NIPSNAP3B: variants seen among roughly 807,000 people sequenced by gnomAD.
NIPSNAP3B encodes the protein protein NipSnap homolog 3B.
NIPSNAP3B carries 30 observed loss-of-function variants against 31.5 expected under a neutral mutation model. That is an observed-to-expected ratio of 0.95 (90% CI 0.71 to 1.29). NIPSNAP3B has a LOEUF of 1.29. NIPSNAP3B is among the 50% of genes most tolerant of loss of function. The pLI, the probability that NIPSNAP3B is intolerant of heterozygous loss-of-function variation, is 0.00. For synonymous variants in NIPSNAP3B, 106 were observed against 107.9 expected, an observed-to-expected ratio of 0.98 and a Z score of 0.11; for missense variants, 269 against 300.7, an observed-to-expected ratio of 0.89 and a Z score of 0.78.
rs1283909109 is a variant in NIPSNAP3B, at chr9:104,773,185, A to G, written c.*112A>G. On this transcript the variant is annotated 3_prime_UTR_variant, in exon 6 of 6. Transcript: ENST00000374762. The stretch of plus-strand genomic sequence containing the variant: ...TTTATTTGAAGGAGGTGGTAAGTTA[A>G]TTAGTTAATTTGCTGTGCTTCTTGC... 3 of 1,019,852 alleles carry G rather than the reference A, an allele frequency of 2.9e-6. No homozygotes were observed. Among genetic ancestry groups the G allele is most frequent in the Non-Finnish European group, 4.4e-6 (3 of 683,986 alleles). 63.2% of individuals were successfully genotyped at this position (1,019,852 alleles called of 1,614,324 possible).
In NIPSNAP3B at chr9:104,766,343, ACGGG is replaced by A; in HGVS notation, c.81_84del (p.Gly28LeufsTer21). On this transcript the variant is annotated frameshift_variant, in exon 2 of 6. Transcript: ENST00000374762. LOFTEE classifies it high-confidence loss of function. ...CCTTCAGGTGTGTTCATCTTTTGCT[ACGGG>A]CCCTAGACAATACGATGGAACGTTC... is the stretch of plus-strand genomic sequence containing the variant. 9.9e-6 allele frequency: 16 copies of A among 1,613,294 alleles called. No individual in the cohort carries two copies. The highest frequency in any genetic ancestry group is 1.4e-5 in the Non-Finnish European group (16 of 1,179,398).
chr9:104,769,409 T>C (rs1262468677), intron 3 of NIPSNAP3B, among the ~76,000 whole-genome samples: 5 of 128,908 alleles, frequency 3.9e-5, no homozygotes, highest in African/African-American at 1.5e-4. Flanking sequence ...AGCCGAGATC[T>C]CGCCACTGCA....
intron 2 of NIPSNAP3B, among the ~76,000 whole-genome samples, chr9:104,767,912 G>A (rs1402302769): frequency 2.0e-5 from 3 of 151,988 alleles, no homozygotes; most frequent in Non-Finnish European, 4.4e-5. Flanking sequence ...CAGGAGGTTG[G>A]TACCAGGAAC....
chr9:104,766,726 A>C (rs578192673), intron 2 of NIPSNAP3B, among the ~76,000 whole-genome samples, 191 bp downstream of exon 2: 1 of 152,268 alleles, frequency 6.6e-6, no homozygotes, highest in South Asian at 2.1e-4. Flanking sequence ...CCCTTGCTTG[A>C]ACTCTTATGT....
chr9:104,786,829 G>C, the NIPSNAP3B span: 1 of 1,530,022 alleles, frequency 6.5e-7, no homozygotes, highest in Non-Finnish European at 9.1e-7. Flanking sequence ...TACTTGGAAA[G>C]TTAAAACATC....
At chr9:104,790,528 T>C in the NIPSNAP3B span, among the ~76,000 whole-genome samples, 1 of 152,198 alleles carries the variant, frequency 6.6e-6, no homozygotes, top group African/African-American at 2.4e-5. Context: ...TACAGTATGA[T>C]CTCAATTGTA....
At position 104,770,986 on chromosome 9, in the gene NIPSNAP3B, G is replaced by A. The variant is rs148201182; in HGVS notation, c.568G>A (p.Glu190Lys). Reference sequence around the variant, plus strand: ...TGGTGTTTTCCACACAGAATATGGAGAACTCAACAGAGGTACAGTTGTCCA... The same window carrying A: ...TGGTGTTTTCCACACAGAATATGGAAAACTCAACAGAGGTACAGTTGTCCA... ...VVGVFHTEYG[E>K]LNRVHVLWWN... Residue 190 changes from glutamate to lysine, a missense_variant, in exon 4 of 6, where the codon GAA (glutamate) becomes AAA (lysine). By Grantham distance (56) the Glu-to-Lys change is moderately conservative (BLOSUM62 1). Transcript: ENST00000374762. 1.5e-3 allele frequency: 2,354 copies of A among 1,613,754 alleles called. 17 individuals carry two copies. In the African/African-American group the frequency reaches 0.028, roughly 20 times the overall value.
At chr9:104,766,249 C>A in intron 1 of NIPSNAP3B, 76 bp from the exon 2 acceptor site, 1 of 1,144,374 alleles carries the variant, frequency 8.7e-7, no homozygotes, top group Non-Finnish European at 1.3e-6. Context: ...TTCCTTGTAC[C>A]AGACTCAGAT....
the NIPSNAP3B span, chr9:104,787,768 G>T: frequency 6.5e-7 from 1 of 1,533,302 alleles, no homozygotes; most frequent in Non-Finnish European, 8.9e-7. Context: ...TGTGCCAAGG[G>T]AGAAGCTTCC....
At chr9:104,767,493 C>T (rs981690690) in intron 2 of NIPSNAP3B, among the ~76,000 whole-genome samples, 1 of 151,976 alleles carries the variant, frequency 6.6e-6, no homozygotes, top group Admixed American at 6.5e-5. Flanking sequence ...GATCAGTGTC[C>T]AAAGTTAATA....
the NIPSNAP3B span, chr9:104,788,286 G>T: frequency 5.0e-6 from 5 of 1,009,996 alleles, no homozygotes; most frequent in Non-Finnish European, 7.4e-6. Context: ...CACCCTGAAA[G>T]CAGATACAAA....
intron 3 of NIPSNAP3B, 38 bp from the exon 4 acceptor site, chr9:104,770,811 T>A (rs190938244): frequency 1.9e-6 from 3 of 1,594,258 alleles, no homozygotes; most frequent in Non-Finnish European, 2.6e-6. Context: ...ATTGTTTGAA[T>A]GTCTTCTGTG....
the NIPSNAP3B span, chr9:104,785,403 A>G: frequency 6.2e-7 from 1 of 1,614,004 alleles, no homozygotes; most frequent in Non-Finnish European, 8.5e-7. Flanking sequence ...TACTTGGTCA[A>G]GTGTTGTCTG....
At chr9:104,786,945 G>T in the NIPSNAP3B span, 1 of 1,614,028 alleles carries the variant, frequency 6.2e-7, no homozygotes, top group South Asian at 1.1e-5. Flanking sequence ...GAACCGCCGG[G>T]CTTTGGGATC....
the NIPSNAP3B span, among the ~76,000 whole-genome samples, chr9:104,784,620 A>G: frequency 0.19 from 29,653 of 152,140 alleles, 3,513 homozygotes; most frequent in Non-Finnish European, 0.27. Context: ...GAATACTTGA[A>G]AAAAGCAATA....
intron 4 of NIPSNAP3B, among the ~76,000 whole-genome samples, chr9:104,771,703 C>T (rs778527561): frequency 2.0e-4 from 30 of 152,132 alleles, no homozygotes; most frequent in Non-Finnish European, 4.1e-4. Flanking sequence ...GTGCACATGT[C>T]TTTATGGTAA....
chr9:104,786,181 T>C, the NIPSNAP3B span: 89,241 of 866,942 alleles, frequency 0.1, 7,061 homozygotes, highest in East Asian at 0.37. Flanking sequence ...CTTTCCACTA[T>C]ACTGTTTTGC....
chr9:104,766,236 G>A (rs1485927957), intron 1 of NIPSNAP3B, 89 bp from the exon 2 acceptor site: 12 of 955,234 alleles, frequency 1.3e-5, no homozygotes, highest in Non-Finnish European at 2.0e-5. Flanking sequence ...GAGTCTATGT[G>A]TGTTCCTTGT....
In NIPSNAP3B at chr9:104,773,910, C is replaced by G. The variant is rs1828281276; in HGVS notation, c.*837C>G. 6.6e-6 allele frequency: 1 copy of G among 152,056 alleles called. No individual in the cohort carries two copies. Among genetic ancestry groups the G allele is most frequent in the African/African-American group, 2.4e-5 (1 of 41,386 alleles). The allele number at this position is 152,056 out of a possible 1,614,324, so 9.4% of individuals were successfully genotyped here. A position where few individuals can be genotyped will look rare whatever the true frequency, so the allele number is the denominator to read the frequency against. ...AAGCTCTTGCTATGTTGCTATAAGA[C>G]AGTAATATAGTGATAATTTACCAAC... On this transcript the variant is annotated 3_prime_UTR_variant, in exon 6 of 6. Transcript: ENST00000374762.
Sources: allele counts gnomAD v4.1 joint callset (sites outside exome capture counted in the v4.1 genomes callset), GRCh38; gene constraint gnomAD v4.1.1; transcripts MANE v1.5; gene names NCBI Gene and HGNC (gene_info 2026-07-23, HGNC 2026-07-21).